Variants in PDE9A observed in about 807,000 individuals in gnomAD.
The protein encoded by PDE9A is high affinity cGMP-specific 3',5'-cyclic phosphodiesterase 9A.
PDE9A carries 60 observed loss-of-function variants against 87.4 expected under a neutral mutation model. The observed-to-expected ratio is 0.69, with a 90% CI of 0.56 to 0.85. PDE9A has a LOEUF of 0.85. Ranked by LOEUF, PDE9A falls within the 40% of genes least tolerant of loss-of-function variation. The pLI is 0.00. For synonymous variants in PDE9A, 272 were observed against 279.4 expected, an observed-to-expected ratio of 0.97 and a Z score of 0.27; for missense variants, 665 against 779.0, an observed-to-expected ratio of 0.85 and a Z score of 1.74.
intron 3 of PDE9A, among the ~76,000 whole-genome samples, chr21:42,691,510 C>A (rs1401105821): frequency 6.6e-6 from 1 of 152,002 alleles, no homozygotes; most frequent in Non-Finnish European, 1.5e-5. Flanking sequence ...ATCACCATCA[C>A]CATCCAAAGC....
intron 19 of PDE9A, among the ~76,000 whole-genome samples, chr21:42,773,660 G>T (rs1409287370): frequency 8.6e-5 from 13 of 151,802 alleles, no homozygotes; most frequent in African/African-American, 3.1e-4. Context: ...AATTAGCCGG[G>T]CGTGGTGGCG....
Position 42,775,490 on chromosome 21 carries a change from A to C in PDE9A, c.*197A>C. ...TTTATTTTTAAACTGTCTTTTAAAT[A>C]ATATATTCTTATACGGAAATGGGTA... On this transcript the variant is annotated 3_prime_UTR_variant, in exon 20 of 20. Transcript: ENST00000291539. 1 of 513,786 alleles carries C rather than the reference A, an allele frequency of 1.9e-6. No homozygotes were observed. The highest frequency in any genetic ancestry group is 3.5e-6 in the Non-Finnish European group (1 of 288,502). 31.8% of individuals were successfully genotyped at this position (513,786 alleles called of 1,614,324 possible).
rs1299224999 is a variant in PDE9A, at chr21:42,675,396, G to T, written c.70-10796G>T. On this transcript the variant is annotated intron_variant, in intron 1 of 19. Transcript: ENST00000291539. This position sits in a 1 kb window ranked among gnomAD's most constrained non-coding sequence, Gnocchi z 4.3. ...AGGGCAGCGCAGGGCATTGGTTGGG[G>T]TATAAATCCGGGGGTGCAGTGGAGA... Among the ~76,000 whole-genome samples, 1 of 152,200 alleles carries T rather than the reference G, an allele frequency of 6.6e-6. No individual in the cohort carries two copies. Among genetic ancestry groups the T allele is most frequent in the African/African-American group, 2.4e-5 (1 of 41,456 alleles).
intron 4 of PDE9A, among the ~76,000 whole-genome samples, chr21:42,707,513 G>A (rs35465851): frequency 0.017 from 2,579 of 152,290 alleles, 51 homozygotes; most frequent in South Asian, 0.046. Context: ...AGCTCAGAGC[G>A]AGGAGTCACC....
chr21:42,732,820 A>G (rs1569216288), intron 6 of PDE9A, among the ~76,000 whole-genome samples: 1 of 152,236 alleles, frequency 6.6e-6, no homozygotes, highest in Non-Finnish European at 1.5e-5. Context: ...AGGCTGAGGC[A>G]GGAGAATCAC....
chr21:42,653,936 G>T (rs1319030184), intron 1 of PDE9A, 53 bp downstream of exon 1: 36 of 1,144,026 alleles, frequency 3.1e-5, no homozygotes, highest in Non-Finnish European at 4.4e-5. Context: ...GACAGCGCCG[G>T]GGCCGGGCGC....
In PDE9A at chr21:42,686,193, T is replaced by C. The variant is rs746435668; in HGVS notation, c.71T>C (p.Val24Ala). 6.2e-7 allele frequency: 1 copy of C among 1,613,516 alleles called. No homozygotes were observed. The highest frequency in any genetic ancestry group is 8.5e-7 in the Non-Finnish European group (1 of 1,179,454). ...CCTCACCGCGCTTCTGTTTTGCAGG[T>C]AATCTTCAGCAAGTACTGCAACTCC... ...YLDIDGRIQKVIFSKYCNSSD... is the reference protein window; with the variant it reads ...YLDIDGRIQKAIFSKYCNSSD... The change falls in exon 2 of 20, where the codon GTA (valine) becomes GCA (alanine). Residue 24 changes from valine to alanine, a missense_variant and splice_region_variant. Transcript: ENST00000291539.
rs776793884 is a variant in PDE9A, at chr21:42,760,280, G to GT, written c.898-47dup. 7.7e-5 allele frequency: 87 copies of GT among 1,135,504 alleles called. No individual in the cohort carries two copies. In the African/African-American group the frequency reaches 1.2e-3, roughly 16 times the overall value. The allele number at this position is 1,135,504 out of a possible 1,614,324, so 70.3% of individuals were successfully genotyped here. A position where few individuals can be genotyped will look rare whatever the true frequency, so the allele number is the denominator to read the frequency against. On this transcript the variant is annotated intron_variant, in intron 11 of 19. Transcript: ENST00000291539. This position sits in a 1 kb window ranked among gnomAD's most constrained non-coding sequence, Gnocchi z 5.2. ...CTTCTGGGTGGCTTTGGGAGGAGAG[G>GT]TGGGCGGGCCCAGGCACAGGGTGAC...
chr21:42,684,509 C>T (rs559931260), intron 1 of PDE9A, among the ~76,000 whole-genome samples: 14 of 152,352 alleles, frequency 9.2e-5, no homozygotes, highest in Non-Finnish European at 1.6e-4. Flanking sequence ...GCCTGGCACC[C>T]GGCCAAGTGC....
chr21:42,736,082 C>T (rs896311133), intron 7 of PDE9A, among the ~76,000 whole-genome samples: 4 of 152,020 alleles, frequency 2.6e-5, no homozygotes, highest in Non-Finnish European at 4.4e-5. Flanking sequence ...TCCCACCTCT[C>T]CTCCTCTCTC....
At chr21:42,711,376 G>C (rs755223855) in intron 4 of PDE9A, among the ~76,000 whole-genome samples, 1 of 151,006 alleles carries the variant, frequency 6.6e-6, no homozygotes, top group Non-Finnish European at 1.5e-5. Context: ...TCAGGCTCCC[G>C]AGTAACTAGG....
At chr21:42,754,572 G>C (rs1367569224) in intron 10 of PDE9A, among the ~76,000 whole-genome samples, 2 of 152,244 alleles carry the variant, frequency 1.3e-5, no homozygotes, top group Non-Finnish European at 2.9e-5. Context: ...AGCAAGGCTT[G>C]AGGCCAGGAA....
At chr21:42,771,184 G>A (rs2056994179) in intron 18 of PDE9A, among the ~76,000 whole-genome samples, 1 of 152,212 alleles carries the variant, frequency 6.6e-6, no homozygotes. Context: ...GTTCAGAGGA[G>A]GCCATGGGGT....
chr21:42,715,316 C>T (rs1268280390), intron 4 of PDE9A, among the ~76,000 whole-genome samples: 16 of 151,508 alleles, frequency 1.1e-4, no homozygotes, highest in African/African-American at 3.6e-4. Flanking sequence ...CCACCGTCAA[C>T]GTCCTGCATC....
At chr21:42,752,428 C>A (rs1366136321) in intron 9 of PDE9A, among the ~76,000 whole-genome samples, 1 of 152,066 alleles carries the variant, frequency 6.6e-6, no homozygotes, top group Non-Finnish European at 1.5e-5. Flanking sequence ...ACCGCCATGC[C>A]CGGCTAATTA....
intron 7 of PDE9A, among the ~76,000 whole-genome samples, chr21:42,742,817 C>T (rs950032247): frequency 2.0e-5 from 3 of 152,016 alleles, no homozygotes; most frequent in Admixed American, 6.6e-5. Context: ...GAAGACCAGA[C>T]GAGCCAGTTT....
At chr21:42,762,354 G>A (rs779800554) in intron 14 of PDE9A, 115 bp downstream of exon 14, 3 of 1,087,472 alleles carry the variant, frequency 2.8e-6, no homozygotes, top group Non-Finnish European at 4.0e-6. Context: ...AGTGCCCTGG[G>A]GACCCAAGGG....
chr21:42,759,698 GTGTC>G lies in PDE9A; in HGVS notation c.897+617_897+620del, dbSNP rs1176718747. On this transcript the variant is annotated intron_variant, in intron 11 of 19. Coordinates refer to ENST00000291539, the MANE Select transcript of PDE9A (RefSeq NM_002606.3). The surrounding 1 kb of genome is among the most constrained non-coding windows in gnomAD (Gnocchi z 7.2). ...GCATGTGTATATCTGGATGTGGGGT[GTGTC>G]TGTGTGTGGGTGTGTGTGAGGGTGT... 1.3e-5 allele frequency among the ~76,000 whole-genome samples: 2 copies of G among 151,078 alleles called. No individual in the cohort carries two copies. Among genetic ancestry groups the G allele is most frequent in the Non-Finnish European group, 1.5e-5 (1 of 67,632 alleles).
At chr21:42,693,236 G>T (rs1004813851) in intron 3 of PDE9A, among the ~76,000 whole-genome samples, 8 of 151,782 alleles carry the variant, frequency 5.3e-5, no homozygotes, top group Admixed American at 1.3e-4. Flanking sequence ...ACCACTCCCT[G>T]TAAGCTAGTT....
Sources: gnomAD v4.1 joint callset for allele counts (sites outside exome capture counted in the v4.1 genomes callset) on GRCh38, gnomAD v4.1.1 for gene constraint, Gnocchi (gnomAD v3.1) non-coding constraint, MANE v1.5 for transcripts, NCBI Gene and HGNC (gene_info 2026-07-23, HGNC 2026-07-21) for gene names.